The following PRUNE2 variants were observed in gnomAD, a reference collection of about 807,000 sequenced individuals.
PRUNE2 encodes protein prune homolog 2.
A neutral mutation model predicts 252.0 loss-of-function variants in PRUNE2; 164 were observed. The observed-to-expected ratio is 0.65, with a 90% CI of 0.57 to 0.74. PRUNE2 has a LOEUF of 0.74. PRUNE2 is among the 30% of genes least tolerant of loss of function. PRUNE2 has a pLI of 0.00. For missense variants in PRUNE2, 3,495 were observed against 3,711.0 expected (o/e 0.94, Z 1.51); for synonymous variants, 1,292 against 1,350.2 (o/e 0.96, Z 0.94).
Position 76,846,668 on chromosome 9 carries a change from T to G in PRUNE2, c.355A>C (p.Thr119Pro), listed in dbSNP as rs1384460283. ...ACTTTGACAACTGCTGATTCTAAAG[T>G]TTTGTCTTCACTGTAAAGCAAATGG... is the stretch of plus-strand genomic sequence containing the variant. ...GSSVLASEDK[T>P]LESAVVKVIN... is the part of the protein sequence containing the mutation. The change falls in exon 4 of 19, where the codon ACT (threonine) becomes CCT (proline). Residue 119 changes from threonine (T) to proline (P), a missense_variant. Coordinates refer to ENST00000376718, the MANE Select transcript of PRUNE2 (RefSeq NM_015225.3). 2 of 1,613,716 alleles carry G rather than the reference T, an allele frequency of 1.2e-6. No individual in the cohort carries two copies. The highest frequency in any genetic ancestry group is 1.7e-6 in the Non-Finnish European group (2 of 1,179,684).
chr9:76,879,878 CATA>C (rs2061663665), intron 1 of PRUNE2, among the ~76,000 whole-genome samples: 1 of 75,386 alleles, frequency 1.3e-5, no homozygotes, highest in African/African-American at 6.8e-5. Context: ...AGAGGCCTGT[CATA>C]TATATATATA....
chr9:76,637,631 T>A (rs1349227396), intron 13 of PRUNE2, 82 bp from the exon 14 acceptor site: 3 of 1,290,388 alleles, frequency 2.3e-6, no homozygotes, highest in Non-Finnish European at 3.2e-6. Flanking sequence ...AAGTACAGGG[T>A]GTATGAAATT....
chr9:76,683,388 G>A (rs1290300408), intron 9 of PRUNE2, among the ~76,000 whole-genome samples: 1 of 152,130 alleles, frequency 6.6e-6, no homozygotes, highest in East Asian at 1.9e-4. Context: ...AAAAAAAATG[G>A]GTAAACATTG....
chr9:76,813,887 G>A (rs2057518730), intron 6 of PRUNE2, among the ~76,000 whole-genome samples: 1 of 152,078 alleles, frequency 6.6e-6, no homozygotes, highest in African/African-American at 2.4e-5. Flanking sequence ...CACAATCTTG[G>A]CTCACAGCAA....
chr9:76,672,068 T>C (rs2041597851), intron 9 of PRUNE2, among the ~76,000 whole-genome samples: 1 of 151,118 alleles, frequency 6.6e-6, no homozygotes, highest in Non-Finnish European at 1.5e-5. Context: ...ACTTTAAATG[T>C]CAATGGACTA....
intron 6 of PRUNE2, among the ~76,000 whole-genome samples, chr9:76,747,837 C>T (rs1033814516): frequency 6.6e-6 from 1 of 151,652 alleles, no homozygotes; most frequent in Non-Finnish European, 1.5e-5. Flanking sequence ...GCTCTGTCGC[C>T]CAGGCTGGAG....
At chr9:76,777,830 G>T (rs1184733105) in intron 6 of PRUNE2, among the ~76,000 whole-genome samples, 1 of 152,156 alleles carries the variant, frequency 6.6e-6, no homozygotes, top group Non-Finnish European at 1.5e-5. Flanking sequence ...TTTGAGCAGA[G>T]AATTGAAATA....
rs2048034538 is a variant in PRUNE2, at chr9:76,725,518, C to T, written c.757-11797G>A. ...TTAAGTGGGGAATATGGTTGTGCCCCCTTTGCTATCAACCCAATGAAAGTA... is the reference window on the plus strand; with the variant it reads ...TTAAGTGGGGAATATGGTTGTGCCCTCTTTGCTATCAACCCAATGAAAGTA... On this transcript the variant is annotated intron_variant, in intron 6 of 18. Transcript: ENST00000376718. Among the ~76,000 whole-genome samples, 6 of 152,126 alleles carry T rather than the reference C, an allele frequency of 3.9e-5. No individual in the cohort carries two copies. In the South Asian group the frequency reaches 1.2e-3, roughly 32 times the overall value.
At chr9:76,882,730 T>C (rs1277378876) in intron 1 of PRUNE2, among the ~76,000 whole-genome samples, 1 of 152,156 alleles carries the variant, frequency 6.6e-6, no homozygotes, top group Non-Finnish European at 1.5e-5. Flanking sequence ...TCATGAGAAA[T>C]CTGCCCCCAT....
chr9:76,816,163 CAA>C (rs71354684), intron 6 of PRUNE2, among the ~76,000 whole-genome samples: 27 of 84,848 alleles, frequency 3.2e-4, no homozygotes, highest in Admixed American at 2.7e-4. Context: ...ACTCCATCTC[CAA>C]AAAAAAAAAA....
At chr9:76,674,364 C>A (rs1475073247) in intron 9 of PRUNE2, among the ~76,000 whole-genome samples, 10 of 152,008 alleles carry the variant, frequency 6.6e-5, no homozygotes, top group African/African-American at 1.7e-4. Context: ...TGAAGGACCT[C>A]TTCAAGGAGA....
At chr9:76,788,372 T>C (rs1379141981) in intron 6 of PRUNE2, 2 of 751,516 alleles carry the variant, frequency 2.7e-6, no homozygotes, top group South Asian at 1.4e-5. Flanking sequence ...TTATATATAC[T>C]GGACATTAAA....
intron 3 of PRUNE2, among the ~76,000 whole-genome samples, chr9:76,849,897 C>T (rs1656179040): frequency 6.6e-6 from 1 of 152,104 alleles, no homozygotes; most frequent in African/African-American, 2.4e-5. Flanking sequence ...GAACTTTACA[C>T]TTAAAGATTT....
At chr9:76,657,161 T>C (rs978034476) in intron 9 of PRUNE2, among the ~76,000 whole-genome samples, 1 of 152,250 alleles carries the variant, frequency 6.6e-6, no homozygotes, top group Non-Finnish European at 1.5e-5. Context: ...TGTCATTTTG[T>C]GTGTTCTCCT....
At chr9:76,726,011 AG>A (rs2048072931) in intron 6 of PRUNE2, among the ~76,000 whole-genome samples, 1 of 152,214 alleles carries the variant, frequency 6.6e-6, no homozygotes, top group African/African-American at 2.4e-5. Context: ...AGGGGTTGCC[AG>A]GGATATGCAG....
At chr9:76,895,247 T>C (rs17194596) in intron 1 of PRUNE2, among the ~76,000 whole-genome samples, 16,700 of 152,188 alleles carry the variant, frequency 0.11, 1,180 homozygotes, top group South Asian at 0.23. Context: ...TCTGTGGTCA[T>C]TGCTGTGCCT....
At chr9:76,651,227 A>AC (rs56402697) in intron 11 of PRUNE2, among the ~76,000 whole-genome samples, 1 of 150,750 alleles carries the variant, frequency 6.6e-6, no homozygotes, top group African/African-American at 2.4e-5. Flanking sequence ...GAAAAAAAAA[A>AC]CTCTACTTAA....
intron 6 of PRUNE2, among the ~76,000 whole-genome samples, chr9:76,732,866 A>G (rs1269931230): frequency 6.6e-6 from 1 of 152,090 alleles, no homozygotes; most frequent in East Asian, 1.9e-4. Flanking sequence ...ATTTTCCTCC[A>G]TTATTCTCAA....
chr9:76,674,509 T>C (rs2042133549), intron 9 of PRUNE2, among the ~76,000 whole-genome samples: 1 of 151,946 alleles, frequency 6.6e-6, no homozygotes, highest in African/African-American at 2.4e-5. Context: ...ACAGATTCAA[T>C]GCCATCCCCA....
Sources: gnomAD v4.1 joint callset for allele counts (sites outside exome capture counted in the v4.1 genomes callset) on GRCh38, gnomAD v4.1.1 for gene constraint, MANE v1.5 for transcripts, NCBI Gene and HGNC (gene_info 2026-07-23, HGNC 2026-07-21) for gene names.